Variants in KCNMA1 observed in about 807,000 individuals in gnomAD.
The protein encoded by KCNMA1 is Calcium-activated potassium channel subunit alpha-1.
KCNMA1 carries 29 observed loss-of-function variants against 140.0 expected under a neutral mutation model. That is an observed-to-expected ratio of 0.21 (90% confidence interval 0.15 to 0.28). The LOEUF is 0.28. Ranked by LOEUF, KCNMA1 falls within the 10% of genes least tolerant of loss-of-function variation. The probability of loss-of-function intolerance (pLI) is 1.00; values close to 1 mark genes in which losing one functional copy is unlikely to be tolerated. For synonymous variants in KCNMA1, 612 were observed against 611.9 expected, an observed-to-expected ratio of 1.00 and a Z score of 0.00; for missense variants, 880 against 1,602.2, an observed-to-expected ratio of 0.55 and a Z score of 7.70.
intron 3 of KCNMA1, among the ~76,000 whole-genome samples, chr10:77,202,032 T>A (rs1176760845): frequency 2.0e-5 from 3 of 152,200 alleles, no homozygotes; most frequent in Non-Finnish European, 4.4e-5. Context: ...CAAAATGAAG[T>A]TCTAATTTTA....
At chr10:77,604,160 G>C (rs945127977) in intron 1 of KCNMA1, among the ~76,000 whole-genome samples, 1 of 152,232 alleles carries the variant, frequency 6.6e-6, no homozygotes, top group East Asian at 1.9e-4. Flanking sequence ...GCTAGGAGTT[G>C]CTCCTCTAGT....
intron 9 of KCNMA1, among the ~76,000 whole-genome samples, chr10:77,095,251 T>A (rs979047529): frequency 6.6e-6 from 1 of 152,216 alleles, no homozygotes; most frequent in Non-Finnish European, 1.5e-5. Context: ...TAGTCCTCAA[T>A]CAATAACCAT....
At chr10:77,103,243 T>C (rs1487551658) in intron 9 of KCNMA1, among the ~76,000 whole-genome samples, 1 of 152,206 alleles carries the variant, frequency 6.6e-6, no homozygotes, top group African/African-American at 2.4e-5. Context: ...TCTCTCTGAA[T>C]GTAAGGCTCT....
At position 77,637,737 on chromosome 10, in the gene KCNMA1, T is replaced by TGCTGCC. The variant is rs545094311; in HGVS notation, c.-101_-96dup. The TGCTGCC allele has an allele frequency of 0.18, 232,355 of 1,304,880 alleles. 22,289 individuals are homozygous for TGCTGCC. The highest frequency in any genetic ancestry group is 0.53 in the East Asian group (16,367 of 30,894). 80.8% of individuals were successfully genotyped at this position (1,304,880 alleles called of 1,614,324 possible). A position where few individuals can be genotyped will look rare whatever the true frequency, so the allele number is the denominator to read the frequency against. ...CCATCAACAGCCATATTGCTGCTAC[T>TGCTGCC]GCTGCCGCCGCCGCCGCCGCCGCGG... On this transcript the variant is annotated 5_prime_UTR_variant, in exon 1 of 28. Coordinates refer to ENST00000286628, the MANE Select transcript of KCNMA1 (RefSeq NM_001161352.2).
chr10:77,268,494 T>G (rs1468052614), intron 2 of KCNMA1, among the ~76,000 whole-genome samples: 1 of 152,088 alleles, frequency 6.6e-6, no homozygotes, highest in African/African-American at 2.4e-5. Flanking sequence ...CTGGAGATGA[T>G]GGGGACTGCT....
chr10:77,633,127 C>T (rs533570445), intron 1 of KCNMA1, among the ~76,000 whole-genome samples: 7 of 152,240 alleles, frequency 4.6e-5, no homozygotes, highest in East Asian at 1.9e-4. Context: ...CAATCCTGGC[C>T]AATGTGGTGA....
intron 2 of KCNMA1, among the ~76,000 whole-genome samples, chr10:77,403,415 A>AG (rs1354365712): frequency 6.6e-6 from 1 of 152,072 alleles, no homozygotes; most frequent in Non-Finnish European, 1.5e-5. Flanking sequence ...CTGCTGCAAG[A>AG]GGGGGTCCCT....
At chr10:77,183,877 G>A (rs2098823244) in intron 4 of KCNMA1, among the ~76,000 whole-genome samples, 1 of 152,094 alleles carries the variant, frequency 6.6e-6, no homozygotes. Flanking sequence ...GGACACACAC[G>A]TTTTCTAGTG....
rs2052249140 is a variant in KCNMA1, at chr10:76,915,143, G to T, written c.2903-94C>A. On this transcript the variant is annotated intron_variant, in intron 23 of 27. Transcript: ENST00000286628. Reference sequence around the variant, plus strand: ...ACTATATACATACAACCCCAAAAATGTAGCTTATGCATTATTCACAGGTCA... The same window carrying T: ...ACTATATACATACAACCCCAAAAATTTAGCTTATGCATTATTCACAGGTCA... 3.7e-6 allele frequency: 3 copies of T among 809,860 alleles called. No homozygotes were observed. The East Asian group carries it at 7.6e-5, about 20-fold the overall frequency. The allele number at this position is 809,860 out of a possible 1,614,324, so 50.2% of individuals were successfully genotyped here.
chr10:77,284,812 C>G (rs140965972), intron 2 of KCNMA1, among the ~76,000 whole-genome samples: 2 of 152,152 alleles, frequency 1.3e-5, no homozygotes, highest in Admixed American at 1.3e-4. Flanking sequence ...CCGCGCCCAA[C>G]GAGACTCTGT....
chr10:77,152,185 T>A (rs1402822736), intron 5 of KCNMA1, among the ~76,000 whole-genome samples: 2 of 152,108 alleles, frequency 1.3e-5, no homozygotes, highest in Non-Finnish European at 1.5e-5. Context: ...TAAATAAATG[T>A]GTTGTGAAAT....
rs2098408388 is a variant in KCNMA1 at position 77,151,117 on chromosome 10, CTCTT to C, written c.809-30073_809-30070del. Among the ~76,000 whole-genome samples the C allele has an allele frequency of 2.0e-5, 3 of 151,364 alleles. 1 individual carries two copies. Among genetic ancestry groups the C allele is most frequent in the South Asian group, 4.2e-4 (2 of 4,774 alleles). ...TCTCTCTCTCTCTTTTCTTCTCTCT[CTCTT>C]CTCTTCCTTCCTTTCTTTCTTCTTT... On this transcript the variant is annotated intron_variant, in intron 5 of 27. Transcript: ENST00000286628.
chr10:77,234,018 T>C (rs2054547077), intron 3 of KCNMA1, among the ~76,000 whole-genome samples: 1 of 152,198 alleles, frequency 6.6e-6, no homozygotes, highest in African/African-American at 2.4e-5. Context: ...GATATTTACA[T>C]ATAAGATTAC....
At chr10:77,252,207 C>T (rs1252962239) in intron 2 of KCNMA1, among the ~76,000 whole-genome samples, 1 of 152,224 alleles carries the variant, frequency 6.6e-6, no homozygotes, top group Non-Finnish European at 1.5e-5. Context: ...GACACTGACA[C>T]TTCTGTCCTC....
intron 14 of KCNMA1, among the ~76,000 whole-genome samples, chr10:77,046,478 G>A (rs2095061390): frequency 3.9e-5 from 6 of 152,118 alleles, no homozygotes; most frequent in African/African-American, 1.4e-4. Flanking sequence ...TGAATGTTTG[G>A]GCTGGTTACT....
intron 1 of KCNMA1, among the ~76,000 whole-genome samples, chr10:77,627,086 A>G (rs1345895644): frequency 6.6e-6 from 1 of 152,144 alleles, no homozygotes; most frequent in Non-Finnish European, 1.5e-5. Flanking sequence ...GGCATACAGG[A>G]GCCCCAGAGG....
At chr10:77,347,519 C>T (rs934644649) in intron 2 of KCNMA1, among the ~76,000 whole-genome samples, 14 of 152,134 alleles carry the variant, frequency 9.2e-5, no homozygotes, top group East Asian at 1.9e-4. Context: ...TTTAGAGAGA[C>T]GCTTGGGGAT....
intron 2 of KCNMA1, among the ~76,000 whole-genome samples, chr10:77,383,030 T>TATATATA (rs1566451029): frequency 1.8e-4 from 19 of 102,986 alleles, no homozygotes; most frequent in African/African-American, 6.8e-4. Flanking sequence ...ATATATATAT[T>TATATATA]CCAAGTGGAG....
chr10:77,282,428 G>A (rs760812240), intron 2 of KCNMA1, among the ~76,000 whole-genome samples: 12 of 152,110 alleles, frequency 7.9e-5, no homozygotes, highest in Non-Finnish European at 1.5e-4. Context: ...ATGGATGAAG[G>A]ATGACTCTTA....
Sources: gnomAD v4.1 joint callset for allele counts (sites outside exome capture counted in the v4.1 genomes callset) on GRCh38, gnomAD v4.1.1 for gene constraint, MANE v1.5 for transcripts, NCBI Gene and HGNC (gene_info 2026-07-23, HGNC 2026-07-21) for gene names.